The following INTS11 variants were observed in gnomAD, a reference collection of about 807,000 sequenced individuals.
INTS11 encodes CPSF3-like protein.
Under a neutral mutation model 78.6 loss-of-function variants are expected in INTS11, and 77 were observed. The ratio of observed to expected loss-of-function variants is 0.98; its 90% CI spans 0.81 to 1.18. The LOEUF (loss-of-function observed/expected upper bound fraction) is 1.18. Among genes scored for constraint, INTS11 ranks in the 50% most tolerant of loss-of-function variants. The pLI is 0.00. For synonymous variants in INTS11, 441 were observed against 326.9 expected (o/e 1.35, Z -3.77); for missense variants, 875 against 825.9 (o/e 1.06, Z -0.73).
chr1:1,321,107 G>A lies in INTS11; in HGVS notation c.29-14C>T, dbSNP rs1490330020. ...CCTGGCCGGCCCCTACTCGAGGGAG[G>A]GCAGATGAGTCACTGCTGCGCCCCC... is the stretch of plus-strand genomic sequence containing the variant. On this transcript the variant is annotated splice_polypyrimidine_tract_variant and intron_variant, in intron 1 of 16. Coordinates refer to ENST00000435064, the MANE Select transcript of INTS11 (RefSeq NM_017871.6). The A allele has an allele frequency of 1.9e-6, 3 of 1,600,508 alleles. No individual in the cohort carries two copies. The highest frequency in any genetic ancestry group is 1.7e-5 in the Admixed American group (1 of 59,672).
rs138628609 is a variant in INTS11 at position 1,312,072 on chromosome 1, G to A, written c.1683C>T (p.Ala561=). 148 of 1,573,470 alleles carry A rather than the reference G, an allele frequency of 9.4e-5. No individual in the cohort carries two copies. Among genetic ancestry groups the A allele is most frequent in the Non-Finnish European group, 1.1e-4 (128 of 1,158,442 alleles). The change falls in exon 16 of 17, where the codon GCC becomes GCT. Residue 561 remains alanine, a synonymous_variant. Transcript: ENST00000435064. ...TGGTGCCTGGGTCCTCAGAAGGGGC[G>A]GCGGCCTGGAGGAGGACGGACTCCA... ...VTVESVLLQA[A]APSEDPGTKV... is the part of the protein sequence containing the mutation.
rs377184547 is a variant in INTS11 at position 1,311,652 on chromosome 1, C to T, written c.*207G>A. 2.8e-6 allele frequency: 2 copies of T among 714,444 alleles called. No individual in the cohort carries two copies. The highest frequency in any genetic ancestry group is 2.7e-5 in the East Asian group (1 of 36,880). The allele number at this position is 714,444 out of a possible 1,614,324, so 44.3% of individuals were successfully genotyped here. A position where few individuals can be genotyped will look rare whatever the true frequency, so the allele number is the denominator to read the frequency against. On this transcript the variant is annotated 3_prime_UTR_variant, in exon 17 of 17. Transcript: ENST00000435064. ...GCTGTCTAGGACCACCTGCCCTAACCAGGAATAAAGGCAAGACAGCCTGGA... is the reference window on the plus strand; with the variant it reads ...GCTGTCTAGGACCACCTGCCCTAACTAGGAATAAAGGCAAGACAGCCTGGA...
chr1:1,315,276 TCTCCAGGC>T, intron 6 of INTS11, 120 bp downstream of exon 6: 1 of 1,175,228 alleles, frequency 8.5e-7, no homozygotes, highest in East Asian at 2.5e-5. Context: ...CGAAGGGGGC[TCTCCAGGC>T]CGCACAGGAC....
rs769140178 is a variant in INTS11 at position 1,311,826 on chromosome 1, G to A, written c.*33C>T. 6 of 1,532,942 alleles carry A rather than the reference G, an allele frequency of 3.9e-6. No homozygotes were observed. In the East Asian group the frequency reaches 9.1e-5, roughly 23 times the overall value. 95.0% of individuals were successfully genotyped at this position (1,532,942 alleles called of 1,614,324 possible). ...GCCCAGGGTCTGTCCAGCTGGGAGAGGGCAGAGGTGGCGGCTGGGTGAGTT... is the reference window on the plus strand; with the variant it reads ...GCCCAGGGTCTGTCCAGCTGGGAGAAGGCAGAGGTGGCGGCTGGGTGAGTT... On this transcript the variant is annotated 3_prime_UTR_variant, in exon 17 of 17. Transcript: ENST00000435064.
At position 1,319,466 on chromosome 1, in the gene INTS11, C is replaced by A; in HGVS notation, c.259G>T (p.Asp87Tyr). Residue 87 changes from aspartate to tyrosine, a missense_variant, in exon 4 of 17, where the codon GAC (aspartate) becomes TAC (tyrosine). Physicochemically the swap from Asp to Tyr is radical, Grantham distance 160. Coordinates refer to ENST00000435064, the MANE Select transcript of INTS11 (RefSeq NM_017871.6). ...LPYFSEMVGY[D>Y]GPIYMTHPTQ... is the part of the protein sequence containing the mutation. ...GGGTGAGTCATGTAGATGGGCCCGT[C>A]GTAGCCCACCATCTCGCTGAAGTAG... The A allele has an allele frequency of 6.2e-7, 1 of 1,609,014 alleles. No individual in the cohort carries two copies. The highest frequency in any genetic ancestry group is 1.1e-5 in the South Asian group (1 of 90,822).
chr1:1,323,322 CCACCAA>C (rs1643074051), intron 1 of INTS11: 2 of 1,530,032 alleles, frequency 1.3e-6, no homozygotes, highest in African/African-American at 2.8e-5. Flanking sequence ...GGATGACTGG[CCACCAA>C]CACCATGTCC....
intron 10 of INTS11, 92 bp from the exon 11 acceptor site, chr1:1,313,216 C>G: frequency 7.2e-7 from 1 of 1,396,966 alleles, no homozygotes; most frequent in Non-Finnish European, 9.8e-7. Flanking sequence ...CCCCTGGAAG[C>G]TGTTTCCACC....
At chr1:1,320,815 G>A in intron 2 of INTS11, 181 bp downstream of exon 2, 1 of 737,120 alleles carries the variant, frequency 1.4e-6, no homozygotes, top group Non-Finnish European at 2.4e-6. Flanking sequence ...CAGCACAGGG[G>A]GACCCCACCA....
chr1:1,319,798 AG>A, intron 3 of INTS11: 1 of 453,464 alleles, frequency 2.2e-6, no homozygotes, highest in Non-Finnish European at 4.0e-6. Flanking sequence ...AACCGCGCAT[AG>A]GGGAGCCGCT....
Position 1,311,719 on chromosome 1 carries a change from G to T in INTS11, c.*140C>A. ...CAGCTGCAAACAGCTGCCTGGGCAGGCAGGTGACACAAGGCCTCTGTCCCC... is the reference window on the plus strand; with the variant it reads ...CAGCTGCAAACAGCTGCCTGGGCAGTCAGGTGACACAAGGCCTCTGTCCCC... On this transcript the variant is annotated 3_prime_UTR_variant, in exon 17 of 17. Coordinates refer to ENST00000435064, the MANE Select transcript of INTS11 (RefSeq NM_017871.6). 1.2e-6 allele frequency: 1 copy of T among 861,742 alleles called. No homozygotes were observed. The highest frequency in any genetic ancestry group is 1.9e-6 in the Non-Finnish European group (1 of 539,494). 53.4% of individuals were successfully genotyped at this position (861,742 alleles called of 1,614,324 possible).
At position 1,313,806 on chromosome 1, in the gene INTS11, CGA is replaced by C; in HGVS notation, c.881_882del (p.Phe294CysfsTer7). ...PWTNQKIRKT[F>X]VQRNMFEFKH... ...TTGAACTCAAACATGTTCCTCTGCA[CGA>C]AAGTCTTGCGGATCTTCTGGTTGGT... On this transcript the variant is annotated frameshift_variant, in exon 9 of 17. Coordinates refer to ENST00000435064, the MANE Select transcript of INTS11 (RefSeq NM_017871.6). LOFTEE classifies it high-confidence loss of function. 6.2e-7 allele frequency: 1 copy of C among 1,613,536 alleles called. No homozygotes were observed. The highest frequency in any genetic ancestry group is 8.5e-7 in the Non-Finnish European group (1 of 1,179,994).
intron 4 of INTS11, chr1:1,317,492 GA>G (rs1255227729): frequency 4.5e-5 from 44 of 970,440 alleles, no homozygotes; most frequent in Middle Eastern, 1.1e-3. Flanking sequence ...ACACCAGAGG[GA>G]ATATCCATCA....
chr1:1,312,969 T>C lies in INTS11; in HGVS notation c.1132-20A>G. 6.2e-7 allele frequency: 1 copy of C among 1,611,964 alleles called. No individual in the cohort carries two copies. Among genetic ancestry groups the C allele is most frequent in the Non-Finnish European group, 8.5e-7 (1 of 1,179,436 alleles). Reference sequence around the variant, plus strand: ...CTCCAGCTACAGAGGCCACGGGGCGTGGACAGTGGTTACCACCAGGAGGTG... The same window carrying C: ...CTCCAGCTACAGAGGCCACGGGGCGCGGACAGTGGTTACCACCAGGAGGTG... On this transcript the variant is annotated intron_variant, in intron 11 of 16. Transcript: ENST00000435064.
chr1:1,314,467 T>C lies in INTS11; in HGVS notation c.703-102A>G, dbSNP rs943712300. On this transcript the variant is annotated intron_variant, in intron 7 of 16. Transcript: ENST00000435064. The surrounding 1 kb of genome is among the most constrained non-coding windows in gnomAD (Gnocchi z 4.2). Reference sequence around the variant, plus strand: ...CAGGTGCCCAAGAGCTGCGGCCTCATAGGGACCTTAGCCTCTCATCTGCTC... The same window carrying C: ...CAGGTGCCCAAGAGCTGCGGCCTCACAGGGACCTTAGCCTCTCATCTGCTC... 2 of 1,026,688 alleles carry C rather than the reference T, an allele frequency of 1.9e-6. No homozygotes were observed. The highest frequency in any genetic ancestry group is 2.6e-5 in the East Asian group (1 of 38,086). 63.6% of individuals were successfully genotyped at this position (1,026,688 alleles called of 1,614,324 possible).
chr1:1,312,213 G>GCCGGGCGCCCCCCCCCCCCCCCCCC lies in INTS11; in HGVS notation c.1607+12_1607+13insGGGGGGGGGGGGGGGGGGCGCCCGG. ...CCCAAGGGAGTGGGGGGGGGGCGGG[G>GCCGGGCGCCCCCCCCCCCCCCCCCC]CCGGGCGCCCACCTCTTGAGGTGGC... On this transcript the variant is annotated intron_variant, in intron 15 of 16. Coordinates refer to ENST00000435064, the MANE Select transcript of INTS11 (RefSeq NM_017871.6). The GCCGGGCGCCCCCCCCCCCCCCCCCC allele has an allele frequency of 4.3e-6, 4 of 934,578 alleles. No homozygotes were observed. The highest frequency in any genetic ancestry group is 1.8e-5 in the African/African-American group (1 of 55,392). 57.9% of individuals were successfully genotyped at this position (934,578 alleles called of 1,614,324 possible). A position where few individuals can be genotyped will look rare whatever the true frequency, so the allele number is the denominator to read the frequency against.
rs771485615 is a variant in INTS11 at position 1,313,971 on chromosome 1, C to T, written c.768-50G>A. 3 of 1,570,412 alleles carry T rather than the reference C, an allele frequency of 1.9e-6. No homozygotes were observed. The African/African-American group carries it at 4.1e-5, about 21-fold the overall frequency. Reference sequence around the variant, plus strand: ...ACAGTGGCCACAGGGGAGAATGCTGCAGGGCAGGACTCGGCCGGGTCACCC... The same window carrying T: ...ACAGTGGCCACAGGGGAGAATGCTGTAGGGCAGGACTCGGCCGGGTCACCC... On this transcript the variant is annotated intron_variant, in intron 8 of 16. Coordinates refer to ENST00000435064, the MANE Select transcript of INTS11 (RefSeq NM_017871.6).
At chr1:1,324,425 C>T (rs2100658845) in intron 1 of INTS11, among the ~76,000 whole-genome samples, 156 bp downstream of exon 1, 1 of 152,278 alleles carries the variant, frequency 6.6e-6, no homozygotes, top group East Asian at 1.9e-4. Context: ...ACTAGGCCGC[C>T]TCTCGGCTCC....
At chr1:1,317,560 C>A (rs149150645) in intron 4 of INTS11, 2 of 489,830 alleles carry the variant, frequency 4.1e-6, no homozygotes, top group Non-Finnish European at 5.3e-6. Context: ...GTCAGGCTCT[C>A]GGGGTCCCTG....
rs150337400 is a variant in INTS11, at chr1:1,314,625, G to A, written c.702+199C>T. 3.3e-4 allele frequency: 231 copies of A among 706,274 alleles called. No homozygotes were observed. The African/African-American group carries it at 3.7e-3, about 11-fold the overall frequency. 43.8% of individuals were successfully genotyped at this position (706,274 alleles called of 1,614,324 possible). ...GGCCAGGGCTTCGTCCGCACCTGAG[G>A]TAGGAGGGAAAAGGGGCTCCCTAGG... is the stretch of plus-strand genomic sequence containing the variant. On this transcript the variant is annotated intron_variant, in intron 7 of 16. Coordinates refer to ENST00000435064, the MANE Select transcript of INTS11 (RefSeq NM_017871.6). The surrounding 1 kb of genome is among the most constrained non-coding windows in gnomAD (Gnocchi z 4.2).
Sources: allele counts gnomAD v4.1 joint callset (sites outside exome capture counted in the v4.1 genomes callset), GRCh38; gene constraint gnomAD v4.1.1; non-coding constraint Gnocchi (gnomAD v3.1); transcripts MANE v1.5; gene names NCBI Gene and HGNC (gene_info 2026-07-23, HGNC 2026-07-21).